Variants in PARD3 observed in about 807,000 individuals in gnomAD.
PARD3 encodes partitioning defective 3 homolog.
A neutral mutation model predicts 155.4 loss-of-function variants in PARD3; 75 were observed. The observed-to-expected ratio is 0.48, with a 90% CI of 0.40 to 0.58. The LOEUF is 0.58. Ranked by LOEUF, PARD3 falls within the 20% of genes least tolerant of loss-of-function variation. The pLI is 0.00. For missense variants in PARD3, 1,642 were observed against 1,721.7 expected, an observed-to-expected ratio of 0.95 and a Z score of 0.82; for synonymous variants, 576 against 610.5, an observed-to-expected ratio of 0.94 and a Z score of 0.83.
At chr10:34,642,499 A>G (rs956467256) in intron 2 of PARD3, among the ~76,000 whole-genome samples, 2 of 152,096 alleles carry the variant, frequency 1.3e-5, no homozygotes. Flanking sequence ...CACCTGGCGG[A>G]GAACTTCCAG....
intron 3 of PARD3, among the ~76,000 whole-genome samples, chr10:34,499,608 T>C (rs2080540577): frequency 6.6e-6 from 1 of 152,172 alleles, no homozygotes; most frequent in Non-Finnish European, 1.5e-5. Context: ...CATTTAAACA[T>C]GGATCTGTTG....
intron 12 of PARD3, among the ~76,000 whole-genome samples, chr10:34,364,474 G>A (rs1007295238): frequency 2.6e-5 from 4 of 151,506 alleles, no homozygotes; most frequent in Middle Eastern, 6.8e-3. Flanking sequence ...CTGTCATCCA[G>A]GCTGGAGTGC....
At position 34,635,113 on chromosome 10, in the gene PARD3, T is replaced by C. The variant is rs78034940; in HGVS notation, c.222+61205A>G. On this transcript the variant is annotated intron_variant, in intron 2 of 24. Transcript: ENST00000374788. The stretch of plus-strand genomic sequence containing the variant: ...CTTCTAACATGAGGTTATAGAAAAA[T>C]ACATATTTAAGACATTTTCAAAGGA... 9.5e-3 allele frequency among the ~76,000 whole-genome samples: 1,440 copies of C among 152,164 alleles called. 24 individuals carry two copies. The highest frequency in any genetic ancestry group is 0.033 in the African/African-American group (1,361 of 41,508).
intron 2 of PARD3, among the ~76,000 whole-genome samples, chr10:34,621,470 G>C (rs373261598): frequency 3.9e-5 from 6 of 152,080 alleles, no homozygotes; most frequent in South Asian, 4.1e-4. Context: ...GGTGCCGGTT[G>C]TACAGGCAAG....
At chr10:34,254,683 C>A (rs1398599429) in intron 22 of PARD3, among the ~76,000 whole-genome samples, 1 of 151,978 alleles carries the variant, frequency 6.6e-6, no homozygotes, top group Non-Finnish European at 1.5e-5. Context: ...TCCTTAGCAT[C>A]CTATTTAATT....
At chr10:34,699,665 A>C (rs1249501492) in intron 1 of PARD3, among the ~76,000 whole-genome samples, 1 of 152,216 alleles carries the variant, frequency 6.6e-6, no homozygotes, top group Non-Finnish European at 1.5e-5. Flanking sequence ...AATGTAGCTG[A>C]GCAAAAAATT....
At chr10:34,350,791 C>T (rs1479175807) in intron 14 of PARD3, among the ~76,000 whole-genome samples, 2 of 152,126 alleles carry the variant, frequency 1.3e-5, no homozygotes, top group African/African-American at 4.8e-5. Context: ...GGCTGTTTAG[C>T]CCCTCAGTTC....
intron 1 of PARD3, among the ~76,000 whole-genome samples, chr10:34,804,380 T>C (rs2134362449): frequency 6.6e-6 from 1 of 152,356 alleles, no homozygotes; most frequent in South Asian, 2.1e-4. Flanking sequence ...TCCAGATCTC[T>C]AACAAAGTGG....
chr10:34,455,264 GCATATACATTT>G (rs2077273472), intron 4 of PARD3, among the ~76,000 whole-genome samples: 1 of 152,056 alleles, frequency 6.6e-6, no homozygotes, highest in African/African-American at 2.4e-5. Context: ...AATACTCAAT[GCATATACATTT>G]CATTCAGAAC....
At chr10:34,762,666 CTTA>C (rs1837609822) in intron 1 of PARD3, among the ~76,000 whole-genome samples, 1 of 152,064 alleles carries the variant, frequency 6.6e-6, no homozygotes, top group African/African-American at 2.4e-5. Flanking sequence ...GACAAAAACT[CTTA>C]CGTTCCACAA....
chr10:34,234,726 A>C (rs2133597502), intron 22 of PARD3, among the ~76,000 whole-genome samples: 1 of 152,308 alleles, frequency 6.6e-6, no homozygotes, highest in South Asian at 2.1e-4. Flanking sequence ...AAAGGCAAGG[A>C]CTTTATTGAA....
intron 1 of PARD3, among the ~76,000 whole-genome samples, chr10:34,756,177 G>A (rs1414607107): frequency 2.9e-5 from 3 of 102,558 alleles, no homozygotes; most frequent in South Asian, 3.2e-4. Flanking sequence ...TTTTTGAGAC[G>A]GAGTCTTACT....
At chr10:34,297,466 C>A (rs1956960205) in intron 20 of PARD3, among the ~76,000 whole-genome samples, 1 of 152,148 alleles carries the variant, frequency 6.6e-6, no homozygotes, top group African/African-American at 2.4e-5. Context: ...ACACGTAGCA[C>A]ACTGCTGGCA....
intron 3 of PARD3, among the ~76,000 whole-genome samples, chr10:34,492,109 T>C (rs1008063093): frequency 1.3e-5 from 2 of 152,158 alleles, no homozygotes; most frequent in African/African-American, 4.8e-5. Flanking sequence ...CTGAATTAAG[T>C]AGGGATGGTG....
At chr10:34,675,505 T>C (rs1359505087) in intron 2 of PARD3, 1 of 152,216 alleles carries the variant, frequency 6.6e-6, no homozygotes, top group Non-Finnish European at 1.5e-5. Context: ...TGCTATAAAC[T>C]GAACCTCTCA....
intron 4 of PARD3, among the ~76,000 whole-genome samples, chr10:34,460,561 C>CG (rs1383008270): frequency 1.3e-5 from 2 of 151,992 alleles, no homozygotes. Context: ...AGGCCGGGCG[C>CG]GGGGGCTCAC....
intron 5 of PARD3, among the ~76,000 whole-genome samples, chr10:34,431,378 G>A (rs973366738): frequency 6.6e-6 from 1 of 152,166 alleles, no homozygotes; most frequent in Non-Finnish European, 1.5e-5. Context: ...GTCCACCAGA[G>A]CACAAAATAT....
At chr10:34,422,184 TAGAA>T (rs2075348941) in intron 5 of PARD3, among the ~76,000 whole-genome samples, 1 of 150,706 alleles carries the variant, frequency 6.6e-6, no homozygotes, top group Non-Finnish European at 1.5e-5. Context: ...ATTTTAAAGT[TAGAA>T]AGGCTGAGAT....
intron 1 of PARD3, among the ~76,000 whole-genome samples, chr10:34,763,587 T>C (rs1837728614): frequency 6.6e-6 from 1 of 152,156 alleles, no homozygotes; most frequent in Admixed American, 6.5e-5. Context: ...ACTTATCAGC[T>C]TTAAGGTAAG....
Sources: allele counts gnomAD v4.1 joint callset (sites outside exome capture counted in the v4.1 genomes callset), GRCh38; gene constraint gnomAD v4.1.1; transcripts MANE v1.5; gene names NCBI Gene and HGNC (gene_info 2026-07-23, HGNC 2026-07-21).